GPC5: variants seen among roughly 807,000 people sequenced by gnomAD.
GPC5 encodes the protein glypican-5.
A neutral mutation model predicts 53.9 loss-of-function variants in GPC5; 47 were observed. That is an observed-to-expected ratio of 0.87 (90% CI 0.69 to 1.11). The LOEUF is 1.11. GPC5 is among the 50% of genes most tolerant of loss of function. GPC5 has a pLI of 0.00. For missense variants in GPC5, 748 were observed against 713.1 expected (o/e 1.05, Z -0.56); for synonymous variants, 286 against 263.3 (o/e 1.09, Z -0.84).
intron 7 of GPC5, among the ~76,000 whole-genome samples, chr13:92,396,495 T>A (rs1051614706): frequency 7.9e-5 from 12 of 151,664 alleles, no homozygotes; most frequent in Non-Finnish European, 1.6e-4. Flanking sequence ...TTTTTGTTTT[T>A]TGTGTTTTTT....
intron 5 of GPC5, among the ~76,000 whole-genome samples, chr13:91,885,669 C>G (rs2138958541): frequency 6.6e-6 from 1 of 152,288 alleles, no homozygotes; most frequent in East Asian, 1.9e-4. Context: ...TTCAGTGTGT[C>G]AGTTTCCTTC....
intron 7 of GPC5, among the ~76,000 whole-genome samples, chr13:92,190,120 A>T (rs2139046661): frequency 6.6e-6 from 1 of 152,210 alleles, no homozygotes; most frequent in East Asian, 1.9e-4. Flanking sequence ...AGCAAAAATA[A>T]GAATTACATC....
intron 1 of GPC5, among the ~76,000 whole-genome samples, chr13:91,422,577 A>C (rs1162216635): frequency 6.6e-6 from 1 of 152,162 alleles, no homozygotes; most frequent in Non-Finnish European, 1.5e-5. Context: ...CAGAGTTTGC[A>C]GTGAGCCCAG....
At chr13:91,668,230 C>T (rs988086167) in intron 2 of GPC5, among the ~76,000 whole-genome samples, 3 of 152,260 alleles carry the variant, frequency 2.0e-5, no homozygotes, top group South Asian at 2.1e-4. Flanking sequence ...TTGAGCACTG[C>T]GCAAAGTAGG....
rs150566456 is a variant in GPC5 at position 92,774,115 on chromosome 13, G to A, written c.1562-92167G>A. ...ATAATTCAAGGTGAGATTTGGGTGC[G>A]GACAAAGAGCCAAACCATATCAGCT... is the stretch of plus-strand genomic sequence containing the variant. On this transcript the variant is annotated intron_variant, in intron 7 of 7. Coordinates refer to ENST00000377067, the MANE Select transcript of GPC5 (RefSeq NM_004466.6). Among the ~76,000 whole-genome samples, 451 of 152,250 alleles carry A rather than the reference G, an allele frequency of 3.0e-3. 1 individual carries two copies. The highest frequency in any genetic ancestry group is 4.5e-3 in the Non-Finnish European group (307 of 68,020).
At chr13:92,015,592 A>T (rs906381434) in intron 6 of GPC5, among the ~76,000 whole-genome samples, 2 of 152,114 alleles carry the variant, frequency 1.3e-5, no homozygotes, top group African/African-American at 4.8e-5. Flanking sequence ...AAACTCAAAG[A>T]GATCAAGTTA....
At chr13:91,922,489 C>A (rs1269598090) in intron 6 of GPC5, among the ~76,000 whole-genome samples, 1 of 152,110 alleles carries the variant, frequency 6.6e-6, no homozygotes, top group African/African-American at 2.4e-5. Context: ...TTCTTAATTT[C>A]TGGGTGTTCC....
rs544249512 is a variant in GPC5 at position 91,682,594 on chromosome 13, T to C, written c.326-10593T>C. Among the ~76,000 whole-genome samples the C allele has an allele frequency of 1.4e-4, 21 of 152,206 alleles. No homozygotes were observed. The South Asian group carries it at 1.5e-3, about 11-fold the overall frequency. ...ACAGAGGCCCCTCATGGGAAAAACA[T>C]TGGGAGATAGAAAGATGAACAGGAG... On this transcript the variant is annotated intron_variant, in intron 2 of 7. Transcript: ENST00000377067.
At chr13:92,673,294 T>C (rs566760338) in intron 7 of GPC5, among the ~76,000 whole-genome samples, 68 of 151,898 alleles carry the variant, frequency 4.5e-4, no homozygotes, top group Non-Finnish European at 9.3e-4. Context: ...TTTTCTTTTT[T>C]TTTTTGAGAT....
At chr13:91,797,865 G>A (rs1050836450) in intron 5 of GPC5, among the ~76,000 whole-genome samples, 3 of 152,214 alleles carry the variant, frequency 2.0e-5, no homozygotes, top group Non-Finnish European at 4.4e-5. Flanking sequence ...AGCACCGTGA[G>A]ATTCATCAGA....
At chr13:92,647,405 G>A (rs1334908735) in intron 7 of GPC5, among the ~76,000 whole-genome samples, 2 of 152,134 alleles carry the variant, frequency 1.3e-5, no homozygotes, top group Non-Finnish European at 2.9e-5. Context: ...GCCAGGCAAT[G>A]AGATTTGCCT....
intron 6 of GPC5, among the ~76,000 whole-genome samples, chr13:92,099,069 A>C (rs1191083408): frequency 6.6e-6 from 1 of 151,924 alleles, no homozygotes; most frequent in Non-Finnish European, 1.5e-5. Context: ...CCTGCGTCTA[A>C]TTGATTATTG....
chr13:91,689,944 ATAT>A (rs2139791736), intron 2 of GPC5, among the ~76,000 whole-genome samples: 1 of 152,298 alleles, frequency 6.6e-6, no homozygotes, highest in East Asian at 1.9e-4. Flanking sequence ...TCATTATCAA[ATAT>A]TATGTACTGT....
intron 7 of GPC5, among the ~76,000 whole-genome samples, chr13:92,810,865 C>T (rs573888870): frequency 4.6e-5 from 7 of 151,848 alleles, no homozygotes; most frequent in Admixed American, 2.6e-4. Flanking sequence ...GGATTACAGG[C>T]GTCTGCCACC....
intron 4 of GPC5, among the ~76,000 whole-genome samples, chr13:91,739,001 G>T (rs1203944423): frequency 1.3e-5 from 2 of 151,188 alleles, no homozygotes; most frequent in African/African-American, 4.9e-5. Context: ...AGCTTTTGTT[G>T]ATTATTACAG....
At chr13:92,384,857 C>T (rs759573629) in intron 7 of GPC5, among the ~76,000 whole-genome samples, 2 of 152,060 alleles carry the variant, frequency 1.3e-5, no homozygotes, top group Non-Finnish European at 2.9e-5. Context: ...GTTCATAAAA[C>T]ATGACCTCTA....
intron 7 of GPC5, among the ~76,000 whole-genome samples, chr13:92,381,847 G>GATATATGATATATAT (rs1261792173): frequency 1.7e-5 from 2 of 119,582 alleles, no homozygotes; most frequent in African/African-American, 6.2e-5. Context: ...TATTGTATAT[G>GATATATGATATATAT]ATCATATATG....
chr13:92,073,715 A>T (rs557637481), intron 6 of GPC5, among the ~76,000 whole-genome samples: 2 of 152,176 alleles, frequency 1.3e-5, no homozygotes, highest in Non-Finnish European at 2.9e-5. Context: ...GCTTGGTTCA[A>T]ATAATATGGA....
intron 7 of GPC5, among the ~76,000 whole-genome samples, chr13:92,810,943 A>T (rs1292764537): frequency 6.6e-6 from 1 of 151,856 alleles, no homozygotes; most frequent in African/African-American, 2.4e-5. Flanking sequence ...GATGGTCTTG[A>T]TCTCCTGACC....
Sources: gnomAD v4.1 joint callset for allele counts (sites outside exome capture counted in the v4.1 genomes callset) on GRCh38, gnomAD v4.1.1 for gene constraint, MANE v1.5 for transcripts, NCBI Gene and HGNC (gene_info 2026-07-23, HGNC 2026-07-21) for gene names.